ASTN1: variants seen among roughly 807,000 people sequenced by gnomAD.
ASTN1 encodes the protein astrotactin 1.
Under a neutral mutation model 140.7 loss-of-function variants are expected in ASTN1, and 41 were observed. That is an observed-to-expected ratio of 0.29 (90% CI 0.23 to 0.38). ASTN1 has a LOEUF of 0.38. Ranked by LOEUF, ASTN1 falls within the 10% of genes least tolerant of loss-of-function variation. The pLI, the probability that ASTN1 is intolerant of heterozygous loss-of-function variation, is 1.00. For missense variants in ASTN1, 1,479 were observed against 1,678.8 expected (o/e 0.88, Z 2.08); for synonymous variants, 640 against 652.2 (o/e 0.98, Z 0.29).
intron 16 of ASTN1, among the ~76,000 whole-genome samples, chr1:176,902,264 T>C (rs1669799625): frequency 6.6e-6 from 1 of 152,238 alleles, no homozygotes; most frequent in Non-Finnish European, 1.5e-5. Context: ...AGTTTTCCAA[T>C]TTCCTGCCTG....
intron 1 of ASTN1, among the ~76,000 whole-genome samples, chr1:177,144,346 G>A (rs1460950903): frequency 6.9e-6 from 1 of 144,886 alleles, no homozygotes; most frequent in Admixed American, 6.9e-5. Flanking sequence ...TCCGCCTCCC[G>A]GGTTCACGCC....
At chr1:177,003,828 G>GAAAGA (rs1423028338) in intron 8 of ASTN1, among the ~76,000 whole-genome samples, 8 of 150,162 alleles carry the variant, frequency 5.3e-5, no homozygotes, top group Non-Finnish European at 4.4e-5. Context: ...AAAAAAGAAA[G>GAAAGA]AAAGAAAAGA....
At chr1:177,012,043 G>A (rs544485726) in intron 8 of ASTN1, among the ~76,000 whole-genome samples, 1 of 152,296 alleles carries the variant, frequency 6.6e-6, no homozygotes, top group Admixed American at 6.5e-5. Flanking sequence ...AGAATATGAA[G>A]TGAAAACCAT....
rs751350252 is a variant in ASTN1 at position 176,888,084 on chromosome 1, G to C, written c.3061C>G (p.Leu1021Val). 2.5e-6 allele frequency: 4 copies of C among 1,614,118 alleles called. No individual in the cohort carries two copies. The Admixed American group carries it at 6.7e-5, about 27-fold the overall frequency. ...GADGLPTCAPLPQPVLRLSTV... is the reference protein window; with the variant it reads ...GADGLPTCAPVPQPVLRLSTV... ...AGAGAACCATACACAGGCTGTGGGA[G>C]AGGCGCACAGGTGGGGAGTCCATCA... The change falls in exon 18 of 23, where the codon CTC becomes GTC. Residue 1021 changes from leucine (L) to valine (V), a missense_variant. Transcript: ENST00000361833.
intron 2 of ASTN1, among the ~76,000 whole-genome samples, chr1:177,050,665 A>T (rs1294362805): frequency 6.6e-6 from 1 of 152,222 alleles, no homozygotes; most frequent in Non-Finnish European, 1.5e-5. Context: ...ACTTTAGCAG[A>T]TACTTAAATG....
At chr1:177,159,786 T>C (rs1473118433) in intron 1 of ASTN1, among the ~76,000 whole-genome samples, 1 of 152,178 alleles carries the variant, frequency 6.6e-6, no homozygotes, top group Non-Finnish European at 1.5e-5. Flanking sequence ...ACTGAACATA[T>C]TACCTTCATC....
At chr1:177,025,574 G>A (rs906604309) in intron 5 of ASTN1, among the ~76,000 whole-genome samples, 7 of 152,026 alleles carry the variant, frequency 4.6e-5, no homozygotes, top group East Asian at 1.9e-4. Context: ...AAAGCAAGAC[G>A]ACAGAATGTG....
chr1:177,148,060 T>C (rs1304745207), intron 1 of ASTN1, among the ~76,000 whole-genome samples: 3 of 152,212 alleles, frequency 2.0e-5, no homozygotes, highest in Admixed American at 1.3e-4. Context: ...CACACCTTCA[T>C]TGACCTGAGC....
At chr1:177,126,608 T>G (rs1681663022) in intron 1 of ASTN1, among the ~76,000 whole-genome samples, 1 of 151,996 alleles carries the variant, frequency 6.6e-6, no homozygotes, top group Non-Finnish European at 1.5e-5. Context: ...CCCCAAAGAG[T>G]GGGATACCTC....
chr1:177,009,093 G>A (rs1290707942), intron 8 of ASTN1, among the ~76,000 whole-genome samples: 1 of 152,204 alleles, frequency 6.6e-6, no homozygotes, highest in Non-Finnish European at 1.5e-5. Context: ...ACAAGACATG[G>A]CCTAAGACCT....
chr1:177,065,462 G>A (rs6673778), intron 1 of ASTN1, among the ~76,000 whole-genome samples: 20,088 of 152,166 alleles, frequency 0.13, 1,717 homozygotes, highest in African/African-American at 0.24. Context: ...TCAATCTAAT[G>A]GGAAACTTAA....
intron 16 of ASTN1, among the ~76,000 whole-genome samples, chr1:176,933,484 G>C (rs1158562891): frequency 6.6e-6 from 1 of 152,160 alleles, no homozygotes; most frequent in Non-Finnish European, 1.5e-5. Flanking sequence ...TGGTTGATCA[G>C]ATACAAATAT....
chr1:177,092,589 G>A (rs1263792595), intron 1 of ASTN1, among the ~76,000 whole-genome samples: 1 of 152,154 alleles, frequency 6.6e-6, no homozygotes, highest in Non-Finnish European at 1.5e-5. Flanking sequence ...CAAGATCACA[G>A]AAATTTACAC....
At chr1:176,948,436 T>TA (rs1672044122) in intron 12 of ASTN1, among the ~76,000 whole-genome samples, 1 of 152,206 alleles carries the variant, frequency 6.6e-6, no homozygotes, top group Admixed American at 6.5e-5. Context: ...AGTATAAATT[T>TA]AAATTTCCAG....
At chr1:177,016,062 G>C (rs1057479630) in intron 7 of ASTN1, among the ~76,000 whole-genome samples, 1 of 152,128 alleles carries the variant, frequency 6.6e-6, no homozygotes, top group African/African-American at 2.4e-5. Flanking sequence ...TAATAGCTTT[G>C]AGTGCTATTT....
chr1:177,117,555 G>A (rs532671083), intron 1 of ASTN1, among the ~76,000 whole-genome samples: 25 of 152,240 alleles, frequency 1.6e-4, no homozygotes, highest in Admixed American at 5.2e-4. Flanking sequence ...AACAGTGAAC[G>A]ATAAACATAA....
At chr1:177,121,818 T>C (rs1681402585) in intron 1 of ASTN1, among the ~76,000 whole-genome samples, 1 of 152,066 alleles carries the variant, frequency 6.6e-6, no homozygotes, top group South Asian at 2.1e-4. Flanking sequence ...AGAACCTAGA[T>C]GTGATCAGGG....
chr1:176,958,218 G>T, intron 10 of ASTN1, 127 bp downstream of exon 10: 2 of 1,426,210 alleles, frequency 1.4e-6, no homozygotes, highest in Non-Finnish European at 9.6e-7. Flanking sequence ...GGGGGAATTT[G>T]CAGGCTGCCT....
intron 8 of ASTN1, among the ~76,000 whole-genome samples, chr1:176,975,826 C>A (rs1355727989): frequency 1.3e-5 from 2 of 152,116 alleles, no homozygotes; most frequent in East Asian, 3.9e-4. Flanking sequence ...AGGGTTGGGT[C>A]AAACATCAGT....
Sources: gnomAD v4.1 joint callset for allele counts (sites outside exome capture counted in the v4.1 genomes callset) on GRCh38, gnomAD v4.1.1 for gene constraint, MANE v1.5 for transcripts, NCBI Gene and HGNC (gene_info 2026-07-23, HGNC 2026-07-21) for gene names.